The following IGSF21 variants were observed in gnomAD, a reference collection of about 807,000 sequenced individuals.
IGSF21 encodes immunoglobulin superfamily member 21.
Under a neutral mutation model 46.8 loss-of-function variants are expected in IGSF21, and 28 were observed. That is an observed-to-expected ratio of 0.60 (90% CI 0.44 to 0.82). IGSF21 has a LOEUF of 0.82. Among genes scored for constraint, IGSF21 ranks in the 40% least tolerant of loss-of-function variants. IGSF21 has a pLI of 0.00. For synonymous variants in IGSF21, 284 were observed against 273.6 expected, an observed-to-expected ratio of 1.04 and a Z score of -0.38; for missense variants, 624 against 665.5, an observed-to-expected ratio of 0.94 and a Z score of 0.69.
intron 1 of IGSF21, among the ~76,000 whole-genome samples, chr1:18,125,342 T>C (rs535813174): frequency 1.3e-5 from 2 of 152,320 alleles, no homozygotes; most frequent in East Asian, 3.9e-4. Flanking sequence ...CAAAGACCAG[T>C]TGTGACTCCT....
intron 2 of IGSF21, among the ~76,000 whole-genome samples, chr1:18,291,022 C>A (rs1165733038): frequency 1.3e-5 from 2 of 152,184 alleles, no homozygotes; most frequent in African/African-American, 4.8e-5. Flanking sequence ...GCCGAGTAAA[C>A]AGATAAATAA....
At chr1:18,244,214 G>A (rs1259979254) in intron 2 of IGSF21, among the ~76,000 whole-genome samples, 1 of 152,224 alleles carries the variant, frequency 6.6e-6, no homozygotes, top group Non-Finnish European at 1.5e-5. Context: ...AGATTCAAGG[G>A]CAGCGCTCCA....
chr1:18,342,092 CTGTTT>C lies in IGSF21; in HGVS notation c.424+7096_424+7100del, dbSNP rs1225857119. ...TTGTTTGTTTGTTTGTTTGTTTGCT[CTGTTT>C]TGTTTTGTTTTGTCTTGAGACAGTC... On this transcript the variant is annotated intron_variant, in intron 4 of 9. Transcript: ENST00000251296. Among the ~76,000 whole-genome samples, 103 of 143,520 alleles carry C rather than the reference CTGTTT, an allele frequency of 7.2e-4. 1 individual carries two copies. The highest frequency in any genetic ancestry group is 2.2e-3 in the African/African-American group (85 of 38,656). 94.2% of individuals were successfully genotyped at this position (143,520 alleles called of 152,430 possible).
intron 1 of IGSF21, among the ~76,000 whole-genome samples, chr1:18,149,590 G>C (rs11261097): frequency 6.6e-6 from 1 of 151,808 alleles, no homozygotes; most frequent in Non-Finnish European, 1.5e-5. Flanking sequence ...TGAGCCACTC[G>C]TGCATGAGCT....
At chr1:18,348,449 C>T (rs1356533140) in intron 4 of IGSF21, among the ~76,000 whole-genome samples, 2 of 152,214 alleles carry the variant, frequency 1.3e-5, no homozygotes, top group African/African-American at 4.8e-5. Flanking sequence ...ATCATTAAAC[C>T]TTGACAAGTG....
chr1:18,166,742 C>G (rs61766503), intron 1 of IGSF21, among the ~76,000 whole-genome samples: 11,018 of 152,164 alleles, frequency 0.072, 439 homozygotes, highest in Middle Eastern at 0.17. Context: ...AGGACCATGA[C>G]CTGGAATGCA....
chr1:18,171,433 C>A (rs541316103), intron 1 of IGSF21, among the ~76,000 whole-genome samples: 1 of 152,148 alleles, frequency 6.6e-6, no homozygotes, highest in East Asian at 1.9e-4. Context: ...CGATTCCTGG[C>A]AAGGGCTAAG....
chr1:18,117,155 G>C (rs914103840), intron 1 of IGSF21, among the ~76,000 whole-genome samples: 1 of 152,232 alleles, frequency 6.6e-6, no homozygotes, highest in Non-Finnish European at 1.5e-5. Context: ...CCTCCACTGG[G>C]TTATAAATGG....
At chr1:18,232,890 G>A (rs1304252176) in intron 2 of IGSF21, among the ~76,000 whole-genome samples, 2 of 152,216 alleles carry the variant, frequency 1.3e-5, no homozygotes, top group African/African-American at 2.4e-5. Context: ...TGGTCAGGGG[G>A]TGGGGAGTGT....
At chr1:18,325,487 A>G (rs2085648702) in intron 3 of IGSF21, among the ~76,000 whole-genome samples, 1 of 152,150 alleles carries the variant, frequency 6.6e-6, no homozygotes, top group African/African-American at 2.4e-5. Flanking sequence ...GTGGCTGGTT[A>G]GAAATTCTCA....
At chr1:18,376,639 T>G (rs2086283026) in intron 7 of IGSF21, among the ~76,000 whole-genome samples, 161 bp from the exon 8 acceptor site, 2 of 152,202 alleles carry the variant, frequency 1.3e-5, no homozygotes, top group East Asian at 3.9e-4. Flanking sequence ...AGACATTCTC[T>G]TAAGTCCCAG....
At chr1:18,176,770 A>G (rs1015858971) in intron 1 of IGSF21, among the ~76,000 whole-genome samples, 1 of 152,196 alleles carries the variant, frequency 6.6e-6, no homozygotes, top group African/African-American at 2.4e-5. Context: ...AAACAATGTT[A>G]CAAGTCATTG....
chr1:18,338,833 G>T (rs1206345081), intron 4 of IGSF21, among the ~76,000 whole-genome samples: 2 of 151,852 alleles, frequency 1.3e-5, no homozygotes, highest in Admixed American at 1.3e-4. Context: ...TGCGTGCTGG[G>T]CCCCAGGAAC....
chr1:18,241,200 A>G (rs1344758035), intron 2 of IGSF21, among the ~76,000 whole-genome samples: 1 of 152,224 alleles, frequency 6.6e-6, no homozygotes, highest in African/African-American at 2.4e-5. Flanking sequence ...CCTTATACAA[A>G]GCATCTCTGT....
chr1:18,366,348 C>T (rs986793623), intron 6 of IGSF21, among the ~76,000 whole-genome samples: 14 of 151,728 alleles, frequency 9.2e-5, no homozygotes, highest in Admixed American at 7.2e-4. Context: ...AGCGTGAAGA[C>T]CAGGGGAGGT....
rs192695652 is a variant in IGSF21, at chr1:18,337,578, G to T, written c.424+2568G>T. Among the ~76,000 whole-genome samples, 1 of 152,038 alleles carries T rather than the reference G, an allele frequency of 6.6e-6. No homozygotes were observed. Among genetic ancestry groups the T allele is most frequent in the Non-Finnish European group, 1.5e-5 (1 of 68,014 alleles). On this transcript the variant is annotated intron_variant, in intron 4 of 9. Coordinates refer to ENST00000251296, the MANE Select transcript of IGSF21 (RefSeq NM_032880.5). The surrounding 1 kb of genome is among the most constrained non-coding windows in gnomAD (Gnocchi z 5.7). ...GACTGCTCTGGGAACACAGCTTCACGCACCGTGGCAACCTGGAAGCCAGGG... is the reference window on the plus strand; with the variant it reads ...GACTGCTCTGGGAACACAGCTTCACTCACCGTGGCAACCTGGAAGCCAGGG...
chr1:18,223,732 G>A (rs1056952023), intron 1 of IGSF21, among the ~76,000 whole-genome samples: 1 of 152,184 alleles, frequency 6.6e-6, no homozygotes, highest in Non-Finnish European at 1.5e-5. Context: ...CATGGTCGTG[G>A]CATCGTACAA....
At chr1:18,170,643 C>T (rs2086727787) in intron 1 of IGSF21, among the ~76,000 whole-genome samples, 1 of 152,032 alleles carries the variant, frequency 6.6e-6, no homozygotes, top group Admixed American at 6.6e-5. Flanking sequence ...AGAGGTTAAG[C>T]AACTTGCTCA....
intron 3 of IGSF21, among the ~76,000 whole-genome samples, chr1:18,315,110 C>T (rs530332976): frequency 1.3e-5 from 2 of 151,980 alleles, no homozygotes; most frequent in Admixed American, 6.6e-5. Context: ...GAGAGTGTGG[C>T]GATGGGGCGG....
Sources: allele counts gnomAD v4.1 joint callset (sites outside exome capture counted in the v4.1 genomes callset), GRCh38; gene constraint gnomAD v4.1.1; non-coding constraint Gnocchi (gnomAD v3.1); transcripts MANE v1.5; gene names NCBI Gene and HGNC (gene_info 2026-07-23, HGNC 2026-07-21).